Variants in ZNF131 observed in about 807,000 individuals in gnomAD.
ZNF131 encodes zinc finger protein 131.
In ZNF131, 7 loss-of-function variants were observed where a neutral mutation model predicts 60.0. The ratio of observed to expected loss-of-function variants is 0.12; its 90% confidence interval spans 0.07 to 0.22. ZNF131 has a LOEUF of 0.22. Ranked by LOEUF, ZNF131 falls within the 10% of genes least tolerant of loss-of-function variation. The pLI, the probability that ZNF131 is intolerant of heterozygous loss-of-function variation, is 1.00. For missense variants in ZNF131, 493 were observed against 740.9 expected, an observed-to-expected ratio of 0.67 and a Z score of 3.88; for synonymous variants, 257 against 253.2, an observed-to-expected ratio of 1.01 and a Z score of -0.14.
chr5:43,129,535 A>G (rs1331602598), intron 3 of ZNF131, among the ~76,000 whole-genome samples: 1 of 152,186 alleles, frequency 6.6e-6, no homozygotes. Flanking sequence ...AATACTCACA[A>G]ATACTAATAG....
intron 4 of ZNF131, among the ~76,000 whole-genome samples, chr5:43,141,082 G>T (rs900867987): frequency 6.6e-6 from 1 of 151,948 alleles, no homozygotes; most frequent in Non-Finnish European, 1.5e-5. Context: ...AACTGTACTC[G>T]TCCATAAATA....
intron 4 of ZNF131, among the ~76,000 whole-genome samples, chr5:43,140,349 A>G (rs1746654929): frequency 6.6e-6 from 1 of 152,222 alleles, no homozygotes; most frequent in Non-Finnish European, 1.5e-5. Context: ...TCCCTGGGTT[A>G]ACATCCTGCT....
intron 5 of ZNF131, among the ~76,000 whole-genome samples, chr5:43,167,099 TC>T (rs1750463609): frequency 6.6e-6 from 1 of 152,186 alleles, no homozygotes. Flanking sequence ...GGTGGAATAG[TC>T]AGGATGCATA....
intron 4 of ZNF131, among the ~76,000 whole-genome samples, chr5:43,157,190 C>T (rs1400557219): frequency 6.6e-6 from 1 of 152,158 alleles, no homozygotes; most frequent in Admixed American, 6.5e-5. Flanking sequence ...AAACCTTTTA[C>T]TGTCCTCCAA....
At chr5:43,167,822 G>C (rs1238120361) in intron 5 of ZNF131, 6 of 320,862 alleles carry the variant, frequency 1.9e-5, no homozygotes. Flanking sequence ...TGCCTGGGTT[G>C]CTTGTTTGTG....
chr5:43,160,327 A>T (rs1481170185), intron 4 of ZNF131, among the ~76,000 whole-genome samples: 1 of 151,950 alleles, frequency 6.6e-6, no homozygotes. Flanking sequence ...ACATAGTGAG[A>T]CCTCGATTCT....
rs770156829 is a variant in ZNF131 at position 43,139,253 on chromosome 5, A to G, written c.315A>G (p.Val105=). Residue 105 remains valine, a synonymous_variant, in exon 4 of 7, where the codon GTA becomes GTG. Coordinates refer to ENST00000682664, the MANE Select transcript of ZNF131 (RefSeq NM_001330707.2). The part of the protein sequence containing the change: ...MIQGEEEAND[V]WKAAEFLQML... ...AAGGAGAAGAAGAAGCCAATGATGTATGGAAAGCAGCAGAGTTTCTACAAA... is the reference window on the plus strand; with the variant it reads ...AAGGAGAAGAAGAAGCCAATGATGTGTGGAAAGCAGCAGAGTTTCTACAAA... The G allele has an allele frequency of 6.2e-7, 1 of 1,613,088 alleles. No individual in the cohort carries two copies. Among genetic ancestry groups the G allele is most frequent in the Non-Finnish European group, 8.5e-7 (1 of 1,179,620 alleles).
intron 5 of ZNF131, chr5:43,167,903 TAA>T: frequency 2.3e-6 from 1 of 442,954 alleles, no homozygotes; most frequent in Admixed American, 2.5e-5. Context: ...GGAGAATTTA[TAA>T]AGAAAAGGAA....
At position 43,129,307 on chromosome 5, in the gene ZNF131, A is replaced by G. The variant is rs146335897; in HGVS notation, c.226+5997A>G. Among the ~76,000 whole-genome samples, 416 of 152,204 alleles carry G rather than the reference A, an allele frequency of 2.7e-3. 1 individual carries two copies. The highest frequency in any genetic ancestry group is 9.8e-3 in the African/African-American group (406 of 41,530). On this transcript the variant is annotated intron_variant, in intron 3 of 6. Transcript: ENST00000682664. Reference sequence around the variant, plus strand: ...TGCTGGTCTTGAACTACCAGCCTTAAGCAATGCTCCTGCCTTGGCCTCCCA... The same window carrying G: ...TGCTGGTCTTGAACTACCAGCCTTAGGCAATGCTCCTGCCTTGGCCTCCCA...
chr5:43,162,407 C>T (rs1184928927), intron 5 of ZNF131, among the ~76,000 whole-genome samples: 1 of 150,954 alleles, frequency 6.6e-6, no homozygotes, highest in Non-Finnish European at 1.5e-5. Flanking sequence ...GCCTGGCCAA[C>T]ATGGTGAAAC....
intron 4 of ZNF131, among the ~76,000 whole-genome samples, chr5:43,148,010 TGCCATTGTACTCCA>T (rs1472980634): frequency 6.7e-6 from 1 of 148,908 alleles, no homozygotes; most frequent in Non-Finnish European, 1.5e-5. Flanking sequence ...GCCAAGATCA[TGCCATTGTACTCCA>T]GCCTGAGCGA....
intron 3 of ZNF131, among the ~76,000 whole-genome samples, chr5:43,134,586 A>G (rs1002922367): frequency 3.3e-5 from 5 of 152,124 alleles, no homozygotes; most frequent in African/African-American, 7.2e-5. Flanking sequence ...GACATCTTAT[A>G]TATAGAAAAC....
At chr5:43,144,615 C>G (rs1747346214) in intron 4 of ZNF131, among the ~76,000 whole-genome samples, 1 of 152,080 alleles carries the variant, frequency 6.6e-6, no homozygotes, top group African/African-American at 2.4e-5. Context: ...ATAGCCCAAA[C>G]TTGTAATGCC....
At chr5:43,128,557 T>G (rs1181141417) in intron 3 of ZNF131, among the ~76,000 whole-genome samples, 1 of 148,642 alleles carries the variant, frequency 6.7e-6, no homozygotes, top group African/African-American at 2.5e-5. Flanking sequence ...CTTGGGAGGC[T>G]GAGGCAGGAG....
At chr5:43,151,683 C>T (rs1343189032) in intron 4 of ZNF131, among the ~76,000 whole-genome samples, 2 of 152,146 alleles carry the variant, frequency 1.3e-5, no homozygotes, top group Admixed American at 6.5e-5. Context: ...AACACACCTG[C>T]CTCGGAGTCC....
chr5:43,172,499 T>C (rs1291781524), intron 5 of ZNF131, among the ~76,000 whole-genome samples: 1 of 152,060 alleles, frequency 6.6e-6, no homozygotes, highest in African/African-American at 2.4e-5. Flanking sequence ...GCGCACACAT[T>C]TGATCCCAGC....
chr5:43,153,173 G>A (rs1358917114), intron 4 of ZNF131, among the ~76,000 whole-genome samples: 1 of 152,170 alleles, frequency 6.6e-6, no homozygotes, highest in African/African-American at 2.4e-5. Flanking sequence ...CAAGTGGTCA[G>A]TATTCCTATA....
At chr5:43,168,036 G>T in intron 5 of ZNF131, 1 of 435,374 alleles carries the variant, frequency 2.3e-6, no homozygotes, top group Middle Eastern at 3.3e-4. Flanking sequence ...CATGGTGAGG[G>T]AGTTGAGCAT....
intron 4 of ZNF131, among the ~76,000 whole-genome samples, chr5:43,149,142 A>C (rs1747983833): frequency 1.3e-5 from 2 of 152,176 alleles, no homozygotes. Flanking sequence ...ATAATGGCGG[A>C]TGCCTGTAAT....
Sources: gnomAD v4.1 joint callset for allele counts (sites outside exome capture counted in the v4.1 genomes callset) on GRCh38, gnomAD v4.1.1 for gene constraint, MANE v1.5 for transcripts, NCBI Gene and HGNC (gene_info 2026-07-23, HGNC 2026-07-21) for gene names.